APBB2: variants seen among roughly 807,000 people sequenced by gnomAD.
APBB2 encodes the protein amyloid beta precursor protein binding family B member 2.
APBB2 carries 38 observed loss-of-function variants against 82.5 expected under a neutral mutation model. The ratio of observed to expected loss-of-function variants is 0.46; its 90% confidence interval spans 0.36 to 0.60. The LOEUF is 0.60. Among genes scored for constraint, APBB2 ranks in the 20% least tolerant of loss-of-function variants. The probability of loss-of-function intolerance (pLI) is 0.00; values close to 1 mark genes in which losing one functional copy is unlikely to be tolerated. For missense variants in APBB2, 772 were observed against 972.3 expected, an observed-to-expected ratio of 0.79 and a Z score of 2.74; for synonymous variants, 341 against 368.2, an observed-to-expected ratio of 0.93 and a Z score of 0.85.
chr4:40,964,333 T>A (rs6854958), intron 6 of APBB2, among the ~76,000 whole-genome samples: 64,516 of 151,484 alleles, frequency 0.43, 14,048 homozygotes, highest in East Asian at 0.65. Context: ...AAAAAAACAG[T>A]CCATAACTGA....
At chr4:41,003,842 A>C (rs7683673) in intron 6 of APBB2, among the ~76,000 whole-genome samples, 9,424 of 152,230 alleles carry the variant, frequency 0.062, 976 homozygotes, top group African/African-American at 0.22. Context: ...CCTCCTGAGT[A>C]GCTGGAATTA....
At chr4:41,012,802 A>T (rs1412372336) in intron 6 of APBB2, among the ~76,000 whole-genome samples, 1 of 152,210 alleles carries the variant, frequency 6.6e-6, no homozygotes, top group Non-Finnish European at 1.5e-5. Context: ...TTCAGATACA[A>T]TAAGGTTCTC....
At chr4:41,140,452 G>A (rs185899260) in intron 2 of APBB2, among the ~76,000 whole-genome samples, 168 of 151,606 alleles carry the variant, frequency 1.1e-3, no homozygotes, top group Non-Finnish European at 1.4e-3. Context: ...TTAAATAATC[G>A]CCCTCCCTGC....
At chr4:41,193,210 A>G (rs1283227297) in intron 1 of APBB2, among the ~76,000 whole-genome samples, 1 of 152,244 alleles carries the variant, frequency 6.6e-6, no homozygotes, top group Non-Finnish European at 1.5e-5. Flanking sequence ...GTACCTCTCA[A>G]TCTTTTTTGT....
At chr4:41,189,808 C>G (rs1773905888) in intron 1 of APBB2, among the ~76,000 whole-genome samples, 1 of 152,096 alleles carries the variant, frequency 6.6e-6, no homozygotes, top group Non-Finnish European at 1.5e-5. Flanking sequence ...CTAACTGATC[C>G]CTCCTCTGTG....
rs147881325 is a variant in APBB2, at chr4:40,835,560, T to A, written c.1530-4983A>T. Among the ~76,000 whole-genome samples the A allele has an allele frequency of 7.2e-5, 11 of 152,322 alleles. No individual in the cohort carries two copies. In the East Asian group the frequency reaches 2.1e-3, roughly 29 times the overall value. ...TTTGCGAGAACTCCCAGCTGCCCTA[T>A]GCATATGCCCCAGGCACTGTGGTGA... On this transcript the variant is annotated intron_variant, in intron 12 of 17. Transcript: ENST00000508593.
intron 2 of APBB2, among the ~76,000 whole-genome samples, chr4:41,124,395 T>G (rs574622037): frequency 2.0e-5 from 3 of 152,150 alleles, no homozygotes. Context: ...ATTTTTTGTA[T>G]TTTTAGTAGA....
At chr4:41,129,609 C>T (rs375089168) in intron 2 of APBB2, among the ~76,000 whole-genome samples, 2 of 152,230 alleles carry the variant, frequency 1.3e-5, no homozygotes, top group Admixed American at 6.5e-5. Flanking sequence ...TGTGTCTTTG[C>T]TTTGTTTGTT....
chr4:40,839,810 G>A (rs190822206), intron 12 of APBB2, among the ~76,000 whole-genome samples: 18 of 152,074 alleles, frequency 1.2e-4, no homozygotes, highest in African/African-American at 3.9e-4. Context: ...GATTACAAGC[G>A]TGTGACACCA....
At chr4:40,842,624 A>G (rs1756217944) in intron 12 of APBB2, 1 of 205,276 alleles carries the variant, frequency 4.9e-6, no homozygotes, top group Non-Finnish European at 1.0e-5. Flanking sequence ...GAGGCAACAT[A>G]TCAACTGGGG....
At chr4:40,943,095 A>G (rs1470161970) in intron 7 of APBB2, among the ~76,000 whole-genome samples, 1 of 152,220 alleles carries the variant, frequency 6.6e-6, no homozygotes, top group African/African-American at 2.4e-5. Context: ...ACAGTGAGGA[A>G]GCAGAGCAGG....
chr4:41,053,261 A>C (rs934883503), intron 4 of APBB2, among the ~76,000 whole-genome samples: 8 of 152,096 alleles, frequency 5.3e-5, no homozygotes, highest in Non-Finnish European at 1.0e-4. Context: ...TTTCCCAATA[A>C]ACTAGAGACG....
In APBB2 at chr4:40,810,559, C is replaced by T. The variant is rs1396504937; in HGVS notation, c.*5533G>A. ...CCCCACTGCACTCCAGCCTGGGAAGCAGAGTGAGACCTTGCCTCAAAAAAA... is the reference window on the plus strand; with the variant it reads ...CCCCACTGCACTCCAGCCTGGGAAGTAGAGTGAGACCTTGCCTCAAAAAAA... On this transcript the variant is annotated 3_prime_UTR_variant, in exon 18 of 18. Coordinates refer to ENST00000508593, the MANE Select transcript of APBB2 (RefSeq NM_004307.2). 8.6e-6 allele frequency: 1 copy of T among 115,638 alleles called. No homozygotes were observed. The highest frequency in any genetic ancestry group is 2.3e-4 in the East Asian group (1 of 4,308). The allele number at this position is 115,638 out of a possible 1,614,324, so 7.2% of individuals were successfully genotyped here.
chr4:41,007,689 T>C (rs1282891498), intron 6 of APBB2, among the ~76,000 whole-genome samples: 1 of 152,228 alleles, frequency 6.6e-6, no homozygotes, highest in Non-Finnish European at 1.5e-5. Context: ...TTTTTCTATT[T>C]CTACAAGCAT....
chr4:40,906,121 AG>A (rs1776629324), intron 10 of APBB2, among the ~76,000 whole-genome samples: 1 of 152,212 alleles, frequency 6.6e-6, no homozygotes, highest in African/African-American at 2.4e-5. Flanking sequence ...TAATGTCTTC[AG>A]TGTATTCTAA....
rs77137726 is a variant in APBB2, at chr4:41,092,688, C to CAA, written c.-149+7949_-149+7950dup. Among the ~76,000 whole-genome samples the CAA allele has an allele frequency of 1.3e-3, 124 of 93,850 alleles. 1 individual carries two copies. The highest frequency in any genetic ancestry group is 7.8e-3 in the Middle Eastern group (1 of 128). 61.6% of individuals were successfully genotyped at this position (93,850 alleles called of 152,430 possible). A position where few individuals can be genotyped will look rare whatever the true frequency, so the allele number is the denominator to read the frequency against. The stretch of plus-strand genomic sequence containing the variant: ...TGGGCAACAGAGTGAGACTCCGTCT[C>CAA]AAAAAAAAAAAAAAAAAGTACTTGG... On this transcript the variant is annotated intron_variant, in intron 3 of 17. Transcript: ENST00000508593.
intron 1 of APBB2, among the ~76,000 whole-genome samples, chr4:41,173,537 C>G (rs1416611756): frequency 2.0e-5 from 3 of 152,182 alleles, no homozygotes; most frequent in African/African-American, 7.2e-5. Context: ...ACGGAAATGG[C>G]TACATTCTAG....
intron 1 of APBB2, among the ~76,000 whole-genome samples, chr4:41,167,057 C>T (rs1766864584): frequency 6.6e-6 from 1 of 152,078 alleles, no homozygotes; most frequent in Non-Finnish European, 1.5e-5. Flanking sequence ...ACTAGGTTGG[C>T]TCATAGAACC....
chr4:40,926,457 T>C (rs1782626511), intron 10 of APBB2, among the ~76,000 whole-genome samples: 1 of 152,204 alleles, frequency 6.6e-6, no homozygotes, highest in Non-Finnish European at 1.5e-5. Flanking sequence ...ATGATTTTTT[T>C]TTTTTTGAGA....
Sources: allele counts gnomAD v4.1 joint callset (sites outside exome capture counted in the v4.1 genomes callset), GRCh38; gene constraint gnomAD v4.1.1; transcripts MANE v1.5; gene names NCBI Gene and HGNC (gene_info 2026-07-23, HGNC 2026-07-21).